ZMYM2: variants seen among roughly 807,000 people sequenced by gnomAD.
The protein encoded by ZMYM2 is zinc finger MYM-type containing 2, also known as zinc finger MYM-type protein 2.
A neutral mutation model predicts 162.8 loss-of-function variants in ZMYM2; 56 were observed. The observed-to-expected ratio is 0.34, with a 90% CI of 0.28 to 0.43. The LOEUF (loss-of-function observed/expected upper bound fraction) is 0.43. Among genes scored for constraint, ZMYM2 ranks in the 20% least tolerant of loss-of-function variants. The pLI is 1.00. For missense variants in ZMYM2, 1,275 were observed against 1,621.8 expected (o/e 0.79, Z 3.67); for synonymous variants, 510 against 541.6 (o/e 0.94, Z 0.81).
chr13:20,042,728 T>TTA (rs1406933061), intron 12 of ZMYM2, among the ~76,000 whole-genome samples: 4 of 151,958 alleles, frequency 2.6e-5, no homozygotes, highest in Non-Finnish European at 5.9e-5. Context: ...ATTATTATTT[T>TTA]TTTTTATTTT....
chr13:19,935,968 C>T, the ZMYM2 span, among the ~76,000 whole-genome samples: 21 of 152,228 alleles, frequency 1.4e-4, no homozygotes, highest in Non-Finnish European at 2.1e-4. Context: ...AATCAGAAAA[C>T]GTTATGCTAG....
intron 2 of ZMYM2, among the ~76,000 whole-genome samples, chr13:19,978,219 C>T (rs1956963995): frequency 6.6e-6 from 1 of 151,872 alleles, no homozygotes; most frequent in South Asian, 2.1e-4. Context: ...TTAAAATAGC[C>T]ATATACCCTT....
intron 3 of ZMYM2, 58 bp downstream of exon 3, chr13:19,993,977 T>G: frequency 1.3e-6 from 2 of 1,541,736 alleles, no homozygotes; most frequent in Non-Finnish European, 1.7e-6. Context: ...TGGCTGCTGC[T>G]TTTTTCATTG....
upstream of ZMYM2, among the ~76,000 whole-genome samples, chr13:19,954,337 C>T (rs1480069950): frequency 6.6e-6 from 1 of 151,488 alleles, no homozygotes; most frequent in Non-Finnish European, 1.5e-5. Context: ...ACCGTGGTCT[C>T]GATCTCCTGA....
intron 1 of ZMYM2, among the ~76,000 whole-genome samples, chr13:19,959,466 G>A (rs1002211957): frequency 2.0e-5 from 3 of 152,224 alleles, no homozygotes; most frequent in African/African-American, 7.2e-5. Flanking sequence ...AATGGCGGAC[G>A]GGGAGGCAGC....
At chr13:19,886,162 CTTTTTTT>C in the ZMYM2 span, among the ~76,000 whole-genome samples, 382 of 98,450 alleles carry the variant, frequency 3.9e-3, 1 homozygote, top group Non-Finnish European at 5.9e-3. Flanking sequence ...TTCTTTCTTT[CTTTTTTT>C]TTTTTTTTTT....
At chr13:19,885,862 A>ATAT in the ZMYM2 span, among the ~76,000 whole-genome samples, 9 of 52,696 alleles carry the variant, frequency 1.7e-4, 1 homozygote, top group Non-Finnish European at 3.1e-4. Flanking sequence ...AAAAAAAAAA[A>ATAT]ATATATATAT....
chr13:19,910,560 G>T, the ZMYM2 span, among the ~76,000 whole-genome samples: 2 of 140,074 alleles, frequency 1.4e-5, no homozygotes. Flanking sequence ...AGACAGTCTC[G>T]CTGTCACCCA....
At position 20,026,665 on chromosome 13, in the gene ZMYM2, T is replaced by G. The variant is rs1421717336; in HGVS notation, c.1638T>G (p.Phe546Leu). ...CTGCRTQCRF[F>L]DMTQCIGPNG... ...GTTGCCGAACACAGTGCAGGTTTTTTGATATGACTCAGTGTATAGGTCCTA... is the reference window on the plus strand; with the variant it reads ...GTTGCCGAACACAGTGCAGGTTTTTGGATATGACTCAGTGTATAGGTCCTA... Residue 546 changes from phenylalanine to leucine, a missense_variant, in exon 8 of 25, where the codon TTT becomes TTG. Transcript: ENST00000610343. The G allele has an allele frequency of 1.2e-6, 2 of 1,610,636 alleles. No individual in the cohort carries two copies. Among genetic ancestry groups the G allele is most frequent in the Non-Finnish European group, 1.7e-6 (2 of 1,179,160 alleles).
intron 2 of ZMYM2, among the ~76,000 whole-genome samples, chr13:19,982,531 A>G (rs986121736): frequency 2.0e-5 from 3 of 151,848 alleles, no homozygotes; most frequent in Non-Finnish European, 2.9e-5. Context: ...GAAGTGATCT[A>G]CCTGCCTCGG....
the ZMYM2 span, among the ~76,000 whole-genome samples, chr13:19,866,046 A>ATTTTT: frequency 4.4e-4 from 66 of 148,834 alleles, no homozygotes; most frequent in African/African-American, 9.6e-4. Flanking sequence ...AATACTTAAG[A>ATTTTT]TTTTTTTTTT....
chr13:19,877,862 A>C, the ZMYM2 span, among the ~76,000 whole-genome samples: 1 of 152,188 alleles, frequency 6.6e-6, no homozygotes, highest in Admixed American at 6.6e-5. Context: ...GTGGGTATAC[A>C]AAGATATCTT....
At chr13:19,928,557 G>A in the ZMYM2 span, among the ~76,000 whole-genome samples, 1 of 152,144 alleles carries the variant, frequency 6.6e-6, no homozygotes, top group African/African-American at 2.4e-5. Context: ...GGCACTTTGG[G>A]AGGTTGAGAT....
the ZMYM2 span, among the ~76,000 whole-genome samples, chr13:19,938,898 A>G: frequency 6.6e-6 from 1 of 152,006 alleles, no homozygotes; most frequent in Non-Finnish European, 1.5e-5. Context: ...CTGTTTTGCC[A>G]TTGCCCAGTG....
intron 12 of ZMYM2, among the ~76,000 whole-genome samples, chr13:20,050,148 A>C (rs1335888247): frequency 1.3e-5 from 2 of 151,924 alleles, no homozygotes; most frequent in African/African-American, 4.8e-5. Context: ...GAGTTGTGAT[A>C]TTGCATCACT....
At chr13:20,019,913 G>A (rs1299993491) in intron 7 of ZMYM2, 6 of 202,798 alleles carry the variant, frequency 3.0e-5, no homozygotes, top group South Asian at 1.5e-4. Context: ...ATTTAATAAA[G>A]GGATATAAAA....
intron 6 of ZMYM2, among the ~76,000 whole-genome samples, chr13:20,018,127 C>CA (rs1951773146): frequency 6.6e-6 from 1 of 152,118 alleles, no homozygotes; most frequent in African/African-American, 2.4e-5. Flanking sequence ...TAGCTGATAC[C>CA]ACCCTGACTA....
At chr13:20,079,189 C>T (rs1221521771) in intron 21 of ZMYM2, among the ~76,000 whole-genome samples, 2 of 150,892 alleles carry the variant, frequency 1.3e-5, no homozygotes, top group African/African-American at 4.9e-5. Flanking sequence ...TGTGGTGGCA[C>T]GTGCCTGTAA....
chr13:20,088,840 G>A lies in ZMYM2; in HGVS notation c.*2826G>A, dbSNP rs1958412054. 1 of 194,232 alleles carries A rather than the reference G, an allele frequency of 5.1e-6. No individual in the cohort carries two copies. The highest frequency in any genetic ancestry group is 2.3e-5 in the African/African-American group (1 of 43,172). 12.0% of individuals were successfully genotyped at this position (194,232 alleles called of 1,614,324 possible). On this transcript the variant is annotated 3_prime_UTR_variant, in exon 25 of 25. Transcript: ENST00000610343. ...GTAACTTCTTTATGCATAGTATTAA[G>A]GGTTATAGTATGAAGAAATCATAAA...
Sources: allele counts gnomAD v4.1 joint callset (sites outside exome capture counted in the v4.1 genomes callset), GRCh38; gene constraint gnomAD v4.1.1; transcripts MANE v1.5; gene names NCBI Gene and HGNC (gene_info 2026-07-23, HGNC 2026-07-21).